Variants in NID1 observed in about 807,000 individuals in gnomAD.
The protein encoded by NID1 is nidogen 1, also known as nidogen-1.
Under a neutral mutation model 130.6 loss-of-function variants are expected in NID1, and 76 were observed. The ratio of observed to expected loss-of-function variants is 0.58; its 90% CI spans 0.48 to 0.70. The LOEUF is 0.70. NID1 is among the 30% of genes least tolerant of loss of function. The pLI is 0.00. For missense variants in NID1, 1,517 were observed against 1,664.8 expected, an observed-to-expected ratio of 0.91 and a Z score of 1.54; for synonymous variants, 665 against 675.1, an observed-to-expected ratio of 0.98 and a Z score of 0.23.
chr1:236,055,435 A>G (rs527937908), intron 1 of NID1, among the ~76,000 whole-genome samples: 17 of 152,246 alleles, frequency 1.1e-4, no homozygotes, highest in Non-Finnish European at 1.5e-5. Context: ...GATACATGGG[A>G]GTTCATTATA....
intron 1 of NID1, among the ~76,000 whole-genome samples, chr1:236,059,916 A>G (rs1444320978): frequency 6.6e-6 from 1 of 152,164 alleles, no homozygotes; most frequent in African/African-American, 2.4e-5. Flanking sequence ...CCTGGCCAAC[A>G]TGGTGAAACC....
intron 10 of NID1, among the ~76,000 whole-genome samples, chr1:236,014,048 G>A (rs1020945457): frequency 7.2e-5 from 11 of 152,184 alleles, no homozygotes; most frequent in Non-Finnish European, 1.3e-4. Flanking sequence ...GCCCAAGTCA[G>A]TCACCCACTT....
intron 14 of NID1, among the ~76,000 whole-genome samples, chr1:235,986,123 A>C (rs561142790): frequency 6.6e-6 from 1 of 152,318 alleles, no homozygotes; most frequent in South Asian, 2.1e-4. Context: ...GAAGAGCAAA[A>C]GTTTTTGATG....
At chr1:236,051,604 G>T (rs1291523879) in intron 1 of NID1, among the ~76,000 whole-genome samples, 1 of 152,196 alleles carries the variant, frequency 6.6e-6, no homozygotes, top group Non-Finnish European at 1.5e-5. Context: ...AGGCTGTGGA[G>T]AAGGGAGTCA....
At chr1:236,034,832 G>A (rs1438937293) in intron 5 of NID1, among the ~76,000 whole-genome samples, 1 of 151,948 alleles carries the variant, frequency 6.6e-6, no homozygotes, top group Non-Finnish European at 1.5e-5. Flanking sequence ...GGAAAACAAA[G>A]GTTACATTGC....
intron 9 of NID1, among the ~76,000 whole-genome samples, chr1:236,022,777 G>C (rs978557676): frequency 1.3e-5 from 2 of 150,958 alleles, no homozygotes; most frequent in Non-Finnish European, 3.0e-5. Context: ...ATTAAAGATG[G>C]AAAGGCCAGG....
At chr1:236,022,311 T>C (rs1658788385) in intron 9 of NID1, among the ~76,000 whole-genome samples, 1 of 148,394 alleles carries the variant, frequency 6.7e-6, no homozygotes, top group South Asian at 2.1e-4. Context: ...AATAGGAGAA[T>C]GAAACTCACA....
chr1:236,034,968 G>GT (rs1433268048), intron 5 of NID1, among the ~76,000 whole-genome samples: 2 of 122,626 alleles, frequency 1.6e-5, no homozygotes, highest in East Asian at 2.7e-4. Flanking sequence ...TCTCGGCAGA[G>GT]TTTTCTTTTT....
chr1:236,010,075 A>G (rs2102814691), intron 12 of NID1, among the ~76,000 whole-genome samples: 1 of 152,358 alleles, frequency 6.6e-6, no homozygotes, highest in East Asian at 1.9e-4. Context: ...GGAGATGTGA[A>G]GCAAGACTGA....
intron 1 of NID1, among the ~76,000 whole-genome samples, chr1:236,062,939 A>T (rs2102855534): frequency 1.3e-5 from 2 of 149,422 alleles, no homozygotes; most frequent in Middle Eastern, 7.4e-3. Flanking sequence ...GTGAATCACG[A>T]GGTCAGGAGT....
intron 11 of NID1, among the ~76,000 whole-genome samples, chr1:236,012,892 T>C (rs1051922367): frequency 6.6e-6 from 1 of 152,220 alleles, no homozygotes; most frequent in Non-Finnish European, 1.5e-5. Context: ...TTACCTAAAA[T>C]TACCTGTAAG....
intron 1 of NID1, among the ~76,000 whole-genome samples, chr1:236,057,881 A>G (rs1008419399): frequency 2.6e-5 from 4 of 152,108 alleles, no homozygotes; most frequent in African/African-American, 9.7e-5. Context: ...TGACCTCCCA[A>G]CCAGGGTTTA....
chr1:235,984,658 T>G (rs1391091105), intron 15 of NID1, among the ~76,000 whole-genome samples: 1 of 152,188 alleles, frequency 6.6e-6, no homozygotes, highest in African/African-American at 2.4e-5. Context: ...CCCAAGTCAG[T>G]TGATGAGTCG....
chr1:236,004,108 AC>A (rs1261313826), intron 12 of NID1, among the ~76,000 whole-genome samples: 5 of 151,684 alleles, frequency 3.3e-5, no homozygotes. Context: ...GTTGTTGCTG[AC>A]TTTTACGAGA....
intron 12 of NID1, among the ~76,000 whole-genome samples, chr1:236,009,376 C>G (rs1658342838): frequency 6.6e-6 from 1 of 152,220 alleles, no homozygotes; most frequent in Admixed American, 6.5e-5. Context: ...CTATGAGAAA[C>G]AAGTTTCTGT....
At position 236,032,471 on chromosome 1, in the gene NID1, T is replaced by C. The variant is rs778761231; in HGVS notation, c.1467A>G (p.Pro489=). The change falls in exon 6 of 20, where the codon CCA becomes CCG. Residue 489 remains proline, a synonymous_variant. Transcript: ENST00000264187. The part of the protein sequence containing the change: ...TVGYSLLPLA[P]VGGIIGWMFA... ...ACATCCATCCAATGATGCCTCCAACTGGGGCCAGTGGAAGCAGAGAATATC... is the reference window on the plus strand; with the variant it reads ...ACATCCATCCAATGATGCCTCCAACCGGGGCCAGTGGAAGCAGAGAATATC... 4.0e-5 allele frequency: 65 copies of C among 1,613,966 alleles called. No homozygotes were observed. Among genetic ancestry groups the C allele is most frequent in the Non-Finnish European group, 5.2e-5 (61 of 1,180,024 alleles).
chr1:236,002,434 C>T (rs1364908468), intron 12 of NID1, among the ~76,000 whole-genome samples: 1 of 152,108 alleles, frequency 6.6e-6, no homozygotes, highest in Non-Finnish European at 1.5e-5. Flanking sequence ...ACCCGGGAGG[C>T]GGAGGTTGCA....
intron 15 of NID1, among the ~76,000 whole-genome samples, chr1:235,985,142 A>G (rs1657539420): frequency 6.6e-6 from 1 of 151,808 alleles, no homozygotes; most frequent in Non-Finnish European, 1.5e-5. Context: ...GCAGTGAGCC[A>G]AGATCACGCC....
At chr1:235,993,524 TG>T in intron 13 of NID1, 120 bp downstream of exon 13, 1 of 899,654 alleles carries the variant, frequency 1.1e-6, no homozygotes, top group Non-Finnish European at 1.6e-6. Context: ...CGGGTGGGGC[TG>T]GAGCCAGTGG....
Sources: allele counts gnomAD v4.1 joint callset (sites outside exome capture counted in the v4.1 genomes callset), GRCh38; gene constraint gnomAD v4.1.1; transcripts MANE v1.5; gene names NCBI Gene and HGNC (gene_info 2026-07-23, HGNC 2026-07-21).